The following SAMSN1 variants were observed in gnomAD, a reference collection of about 807,000 sequenced individuals.
SAMSN1 encodes SAM domain, SH3 domain and nuclear localization signals 1.
Under a neutral mutation model 42.0 loss-of-function variants are expected in SAMSN1, and 31 were observed. That is an observed-to-expected ratio of 0.74 (90% CI 0.55 to 1.00). The LOEUF (loss-of-function observed/expected upper bound fraction) is 1.00. Ranked by LOEUF, SAMSN1 falls within the 50% of genes least tolerant of loss-of-function variation. The pLI is 0.00. For missense variants in SAMSN1, 464 were observed against 439.4 expected, an observed-to-expected ratio of 1.06 and a Z score of -0.50; for synonymous variants, 178 against 151.9, an observed-to-expected ratio of 1.17 and a Z score of -1.26.
chr21:14,496,649 C>G (rs1568765631), intron 7 of SAMSN1, among the ~76,000 whole-genome samples: 2 of 152,228 alleles, frequency 1.3e-5, no homozygotes, highest in African/African-American at 2.4e-5. Context: ...TTACACTGAT[C>G]AATTTTGTCT....
intron 5 of SAMSN1, among the ~76,000 whole-genome samples, chr21:14,605,360 T>A (rs1982538674): frequency 6.6e-6 from 1 of 152,210 alleles, no homozygotes; most frequent in Non-Finnish European, 1.5e-5. Flanking sequence ...GGGAGTTTAT[T>A]CCCATCTTGT....
rs1195852804 is a variant in SAMSN1 at position 14,521,150 on chromosome 21, C to A, written c.129G>T (p.Glu43Asp). 5 of 1,592,992 alleles carry A rather than the reference C, an allele frequency of 3.1e-6. No homozygotes were observed. The African/African-American group carries it at 6.7e-5, about 21-fold the overall frequency. The change falls in exon 2 of 8, where the codon GAG becomes GAT. Residue 43 changes from glutamate to aspartate, a missense_variant and splice_region_variant. By Grantham distance (45) the Glu-to-Asp change is conservative. Coordinates refer to ENST00000400566, the MANE Select transcript of SAMSN1 (RefSeq NM_022136.5). ...NSLSKPDDST[E>D]AHEGDPTNGS... ...CATAAAAATGGAATAAACTACGAACCTCAGTTGAATCATCTGGTTTTGATA... is the reference window on the plus strand; with the variant it reads ...CATAAAAATGGAATAAACTACGAACATCAGTTGAATCATCTGGTTTTGATA...
At chr21:14,636,536 T>C (rs553650236) in intron 2 of SAMSN1, among the ~76,000 whole-genome samples, 1 of 152,190 alleles carries the variant, frequency 6.6e-6, no homozygotes, top group African/African-American at 2.4e-5. Flanking sequence ...GTGTTTCCTA[T>C]AATTTTATCT....
chr21:14,615,666 T>G (rs1982815920), intron 3 of SAMSN1, among the ~76,000 whole-genome samples: 1 of 152,158 alleles, frequency 6.6e-6, no homozygotes, highest in South Asian at 2.1e-4. Flanking sequence ...AGAAGATTTA[T>G]AGGTCACTGA....
intron 1 of SAMSN1, among the ~76,000 whole-genome samples, chr21:14,647,785 T>C (rs1983746988): frequency 7.3e-6 from 1 of 137,460 alleles, no homozygotes; most frequent in Non-Finnish European, 1.6e-5. Context: ...TGGCTCTCTG[T>C]TTGTCTGTTG....
intron 2 of SAMSN1, among the ~76,000 whole-genome samples, chr21:14,622,857 G>A (rs981907979): frequency 6.6e-6 from 1 of 152,164 alleles, no homozygotes. Context: ...AAAATGTTAA[G>A]GGCAGCCAGA....
intron 2 of SAMSN1, among the ~76,000 whole-genome samples, chr21:14,621,976 T>C (rs1401899824): frequency 6.6e-6 from 1 of 152,254 alleles, no homozygotes; most frequent in Non-Finnish European, 1.5e-5. Flanking sequence ...CAATGTTCTC[T>C]GTTCTGCAGC....
chr21:14,596,283 A>G (rs533428243), intron 6 of SAMSN1, among the ~76,000 whole-genome samples: 37 of 152,278 alleles, frequency 2.4e-4, no homozygotes, highest in African/African-American at 8.4e-4. Context: ...ATTAAAGAGG[A>G]GATTAGATTT....
rs577708729 is a variant in SAMSN1 at position 14,649,788 on chromosome 21, C to T, written c.25-6655G>A. Among the ~76,000 whole-genome samples the T allele has an allele frequency of 4.6e-3, 684 of 149,216 alleles. 1 individual carries two copies. Among genetic ancestry groups the T allele is most frequent in the South Asian group, 0.015 (69 of 4,716 alleles). Reference sequence around the variant, plus strand: ...CTGTCTCAAAACACACACACACACACACACACACACACACACACACACACA... The same window carrying T: ...CTGTCTCAAAACACACACACACACATACACACACACACACACACACACACA... On this transcript the variant is annotated intron_variant, in intron 1 of 15. Coordinates refer to the SAMSN1 transcript ENST00000647101.
intron 7 of SAMSN1, among the ~76,000 whole-genome samples, chr21:14,493,776 C>G (rs1439737783): frequency 1.3e-5 from 2 of 152,192 alleles, no homozygotes; most frequent in Non-Finnish European, 2.9e-5. Flanking sequence ...TTTCTTCTCC[C>G]TATAACCTTA....
chr21:14,499,876 C>T (rs959305820), intron 6 of SAMSN1, among the ~76,000 whole-genome samples: 18 of 152,030 alleles, frequency 1.2e-4, no homozygotes, highest in African/African-American at 4.3e-4. Flanking sequence ...TATCAAAGTG[C>T]TGCTGAGTTA....
chr21:14,577,259 TA>T lies in SAMSN1; in HGVS notation c.261+4876del, dbSNP rs375903984. On this transcript the variant is annotated intron_variant, in intron 2 of 8. Coordinates refer to the SAMSN1 transcript ENST00000285670. ...GTGTGTATATATATATATATATATA[TA>T]TATATATATATATATATATATATAT... is the stretch of plus-strand genomic sequence containing the variant. Among the ~76,000 whole-genome samples, 57 of 46,618 alleles carry T rather than the reference TA, an allele frequency of 1.2e-3. 6 individuals are homozygous for T. The highest frequency in any genetic ancestry group is 1.9e-3 in the Non-Finnish European group (48 of 25,858). The allele number at this position is 46,618 out of a possible 152,430, so 30.6% of individuals were successfully genotyped here. A position where few individuals can be genotyped will look rare whatever the true frequency, so the allele number is the denominator to read the frequency against.
chr21:14,608,125 A>T (rs1982612083), intron 5 of SAMSN1, among the ~76,000 whole-genome samples: 1 of 152,208 alleles, frequency 6.6e-6, no homozygotes, highest in Admixed American at 6.5e-5. Context: ...TTCACACAAG[A>T]GAGCACCTCC....
intron 6 of SAMSN1, among the ~76,000 whole-genome samples, chr21:14,599,276 T>C (rs1982362871): frequency 1.3e-5 from 2 of 152,024 alleles, no homozygotes; most frequent in South Asian, 4.1e-4. Context: ...TGGAGGCAGT[T>C]TCCCCCATGC....
intron 2 of SAMSN1, among the ~76,000 whole-genome samples, chr21:14,619,942 T>C (rs1275525240): frequency 6.7e-6 from 1 of 148,866 alleles, no homozygotes; most frequent in Non-Finnish European, 1.5e-5. Flanking sequence ...AGAATACCTG[T>C]CATTTGAGAG....
intron 5 of SAMSN1, among the ~76,000 whole-genome samples, 153 bp downstream of exon 5, chr21:14,510,146 AAAAAAAAAAAG>A (rs540115301): frequency 1.4e-5 from 2 of 142,332 alleles, no homozygotes; most frequent in African/African-American, 5.2e-5. Context: ...CAAAAAAAGA[AAAAAAAAAAAG>A]AAAAAAAGTC....
At chr21:14,657,141 T>A (rs1026853547) in intron 1 of SAMSN1, among the ~76,000 whole-genome samples, 2 of 151,900 alleles carry the variant, frequency 1.3e-5, no homozygotes, top group Admixed American at 6.6e-5. Flanking sequence ...AATTATGTTA[T>A]GTATTTATTC....
chr21:14,503,692 G>A (rs765289866), intron 5 of SAMSN1, among the ~76,000 whole-genome samples: 4 of 152,128 alleles, frequency 2.6e-5, no homozygotes, highest in African/African-American at 9.7e-5. Flanking sequence ...CATTTCCGGG[G>A]CATCATGGCA....
chr21:14,656,641 C>T (rs912709132), intron 1 of SAMSN1, among the ~76,000 whole-genome samples: 1 of 151,688 alleles, frequency 6.6e-6, no homozygotes, highest in Non-Finnish European at 1.5e-5. Flanking sequence ...AAGATAGACC[C>T]CATTTCAAGT....
Sources: gnomAD v4.1 joint callset for allele counts (sites outside exome capture counted in the v4.1 genomes callset) on GRCh38, gnomAD v4.1.1 for gene constraint, MANE v1.5 for transcripts, NCBI Gene and HGNC (gene_info 2026-07-23, HGNC 2026-07-21) for gene names.